Variants in GRIK4 observed in about 807,000 individuals in gnomAD.
The protein encoded by GRIK4 is glutamate ionotropic receptor kainate type subunit 4.
In GRIK4, 40 loss-of-function variants were observed where a neutral mutation model predicts 104.9. That is an observed-to-expected ratio of 0.38 (90% CI 0.30 to 0.50). GRIK4 has a LOEUF of 0.50. GRIK4 is among the 20% of genes least tolerant of loss of function. The pLI, the probability that GRIK4 is intolerant of heterozygous loss-of-function variation, is 0.93. For synonymous variants in GRIK4, 485 were observed against 524.9 expected (o/e 0.92, Z 1.04); for missense variants, 1,047 against 1,308.1 (o/e 0.80, Z 3.08).
intron 13 of GRIK4, among the ~76,000 whole-genome samples, chr11:120,918,853 C>T (rs768387079): frequency 7.2e-5 from 11 of 152,194 alleles, no homozygotes; most frequent in African/African-American, 1.7e-4. Flanking sequence ...TGAGAATTGT[C>T]GCCAGTGTTT....
At chr11:120,961,358 G>A (rs564172964) in intron 17 of GRIK4, among the ~76,000 whole-genome samples, 1 of 152,196 alleles carries the variant, frequency 6.6e-6, no homozygotes, top group Non-Finnish European at 1.5e-5. Flanking sequence ...ATAGTTTCAT[G>A]TTTATATTAA....
At chr11:120,667,340 T>C (rs1207648652) in intron 3 of GRIK4, among the ~76,000 whole-genome samples, 1 of 152,272 alleles carries the variant, frequency 6.6e-6, no homozygotes, top group Non-Finnish European at 1.5e-5. Flanking sequence ...TCTGTTGATG[T>C]AGACCTGGGC....
intron 1 of GRIK4, among the ~76,000 whole-genome samples, chr11:120,603,041 C>T (rs140807932): frequency 6.6e-6 from 1 of 152,292 alleles, no homozygotes; most frequent in East Asian, 1.9e-4. Flanking sequence ...TCTGACGATA[C>T]AGGCCTGAAG....
At chr11:120,841,089 T>C (rs2049039135) in intron 8 of GRIK4, among the ~76,000 whole-genome samples, 1 of 152,230 alleles carries the variant, frequency 6.6e-6, no homozygotes, top group African/African-American at 2.4e-5. Flanking sequence ...TTTTTAAGCT[T>C]TGTATTATTG....
intron 3 of GRIK4, among the ~76,000 whole-genome samples, chr11:120,682,682 G>A (rs766685295): frequency 1.0e-4 from 15 of 150,232 alleles, no homozygotes; most frequent in South Asian, 2.1e-4. Context: ...CCCAGTGCCC[G>A]ACACAGTTTC....
intron 14 of GRIK4, among the ~76,000 whole-genome samples, chr11:120,950,696 T>C (rs1445014451): frequency 6.6e-6 from 1 of 152,174 alleles, no homozygotes; most frequent in African/African-American, 2.4e-5. Context: ...ATATGGATGC[T>C]ACCCTCTCTG....
chr11:120,628,692 A>G (rs1343378956), intron 1 of GRIK4, among the ~76,000 whole-genome samples: 1 of 152,136 alleles, frequency 6.6e-6, no homozygotes, highest in African/African-American at 2.4e-5. Flanking sequence ...GGCCTGAGGA[A>G]GGCAATTTCT....
intron 9 of GRIK4, chr11:120,868,519 AG>A (rs1954489181): frequency 1.6e-5 from 1 of 64,224 alleles, no homozygotes; most frequent in African/African-American, 7.6e-5. Context: ...AGAGCAGAGA[AG>A]GGGTGGAAAT....
chr11:120,541,520 G>T (rs565134498), intron 1 of GRIK4, among the ~76,000 whole-genome samples: 1 of 151,730 alleles, frequency 6.6e-6, no homozygotes, highest in African/African-American at 2.4e-5. Context: ...CTGAGGTAGC[G>T]CCTTGCTCTG....
intron 8 of GRIK4, among the ~76,000 whole-genome samples, chr11:120,851,642 GACTA>G (rs369807800): frequency 5.3e-4 from 81 of 152,274 alleles, no homozygotes; most frequent in African/African-American, 1.7e-3. Context: ...GAATGAGTGA[GACTA>G]ACTAAGATCT....
At position 120,757,042 on chromosome 11, in the gene GRIK4, T is replaced by C. The variant is rs1436393249; in HGVS notation, c.83-45651T>C. ...GCTCATCAGTTTGATGGCCCGTGAG[T>C]GTCTTTTCTCACTGACACAGCAGCA... On this transcript the variant is annotated intron_variant, in intron 3 of 20. Transcript: ENST00000527524. 3.9e-5 allele frequency among the ~76,000 whole-genome samples: 6 copies of C among 152,118 alleles called. No individual in the cohort carries two copies. The East Asian group carries it at 9.6e-4, about 24-fold the overall frequency.
intron 13 of GRIK4, among the ~76,000 whole-genome samples, chr11:120,936,836 A>C (rs1943607195): frequency 5.4e-5 from 8 of 148,224 alleles, no homozygotes; most frequent in South Asian, 2.2e-4. Flanking sequence ...GAGCATGCCC[A>C]CCCCTCCCTG....
intron 1 of GRIK4, among the ~76,000 whole-genome samples, chr11:120,586,704 C>T (rs1466865835): frequency 6.6e-6 from 1 of 152,088 alleles, no homozygotes; most frequent in Non-Finnish European, 1.5e-5. Context: ...GTCTCCCTTC[C>T]CTCTGTCCCA....
chr11:120,585,877 G>A (rs1948656766), intron 1 of GRIK4, among the ~76,000 whole-genome samples: 1 of 152,168 alleles, frequency 6.6e-6, no homozygotes, highest in African/African-American at 2.4e-5. Context: ...TGGTGACTGA[G>A]TTCTGGCTTG....
chr11:120,610,688 A>G (rs1230316898), intron 1 of GRIK4, among the ~76,000 whole-genome samples: 1 of 152,156 alleles, frequency 6.6e-6, no homozygotes, highest in Non-Finnish European at 1.5e-5. Flanking sequence ...AGCTCACTCT[A>G]AGTTTTCAAA....
At chr11:120,661,826 A>G (rs965740697) in intron 3 of GRIK4, among the ~76,000 whole-genome samples, 2 of 151,088 alleles carry the variant, frequency 1.3e-5, no homozygotes, top group East Asian at 1.9e-4. Flanking sequence ...ACTGCTCTGC[A>G]TGCTTAAAAA....
chr11:120,852,476 G>A (rs1194960324), intron 8 of GRIK4, among the ~76,000 whole-genome samples: 3 of 152,242 alleles, frequency 2.0e-5, no homozygotes, highest in African/African-American at 7.2e-5. Context: ...ACTCATGTTG[G>A]GAAAGAAGAG....
chr11:120,786,006 C>T (rs1952263094), intron 3 of GRIK4, among the ~76,000 whole-genome samples: 1 of 152,308 alleles, frequency 6.6e-6, no homozygotes, highest in Admixed American at 6.5e-5. Context: ...TCCCTTGCTC[C>T]CCAGTGCAAC....
intron 14 of GRIK4, among the ~76,000 whole-genome samples, chr11:120,949,321 T>G (rs532994708): frequency 6.6e-6 from 1 of 152,340 alleles, no homozygotes; most frequent in African/African-American, 2.4e-5. Flanking sequence ...TCAGGGATGC[T>G]GATTGATGGT....
Sources: gnomAD v4.1 joint callset for allele counts (sites outside exome capture counted in the v4.1 genomes callset) on GRCh38, gnomAD v4.1.1 for gene constraint, MANE v1.5 for transcripts, NCBI Gene and HGNC (gene_info 2026-07-23, HGNC 2026-07-21) for gene names.